Variants in TTC27 observed in about 807,000 individuals in gnomAD.
The protein encoded by TTC27 is tetratricopeptide repeat domain 27.
TTC27 carries 79 observed loss-of-function variants against 115.9 expected under a neutral mutation model. The observed-to-expected ratio is 0.68, with a 90% CI of 0.57 to 0.82. The LOEUF (loss-of-function observed/expected upper bound fraction) is 0.82, where lower values mean the gene tolerates loss of function less well. Among genes scored for constraint, TTC27 ranks in the 40% least tolerant of loss-of-function variants. The probability of loss-of-function intolerance (pLI) is 0.00; values close to 1 mark genes in which losing one functional copy is unlikely to be tolerated. For missense variants in TTC27, 1,054 were observed against 993.1 expected, an observed-to-expected ratio of 1.06 and a Z score of -0.82; for synonymous variants, 401 against 356.0, an observed-to-expected ratio of 1.13 and a Z score of -1.42.
At chr2:32,650,363 T>C (rs1253212829) in intron 5 of TTC27, 130 bp downstream of exon 5, 16 of 552,076 alleles carry the variant, frequency 2.9e-5, no homozygotes, top group African/African-American at 9.6e-5. Flanking sequence ...CTTTTTTTTT[T>C]TTTTTTTTTT....
chr2:32,678,998 A>G, intron 9 of TTC27, 76 bp downstream of exon 9: 2 of 1,324,846 alleles, frequency 1.5e-6, no homozygotes, highest in Non-Finnish European at 2.1e-6. Context: ...CTTGCCTTGG[A>G]TTGTTTATGT....
At chr2:32,706,077 C>CTT (rs148953090) in intron 10 of TTC27, among the ~76,000 whole-genome samples, 2,860 of 52,854 alleles carry the variant, frequency 0.054, 414 homozygotes, top group African/African-American at 0.088. Flanking sequence ...TTACCTTACT[C>CTT]TTTTTTTTTT....
intron 8 of TTC27, among the ~76,000 whole-genome samples, chr2:32,677,978 G>C (rs189034909): frequency 6.6e-6 from 1 of 152,086 alleles, no homozygotes; most frequent in Admixed American, 6.5e-5. Context: ...AATTATGTTG[G>C]CTGCACAGTG....
At chr2:32,665,096 C>T (rs1665722091) in intron 6 of TTC27, among the ~76,000 whole-genome samples, 1 of 152,106 alleles carries the variant, frequency 6.6e-6, no homozygotes, top group African/African-American at 2.4e-5. Context: ...ATCCGCCCGC[C>T]TTGGCCTCCC....
intron 13 of TTC27, among the ~76,000 whole-genome samples, chr2:32,758,816 G>C (rs550920700): frequency 3.4e-4 from 51 of 152,132 alleles, no homozygotes; most frequent in African/African-American, 1.1e-3. Flanking sequence ...ATTTTGAGCG[G>C]ATATGTTAGG....
chr2:32,741,334 A>G (rs1668628019), intron 12 of TTC27, among the ~76,000 whole-genome samples: 1 of 152,136 alleles, frequency 6.6e-6, no homozygotes, highest in Non-Finnish European at 1.5e-5. Flanking sequence ...TAAGCTGCTT[A>G]AGAACCAGAC....
At chr2:32,695,641 C>T (rs2151897171) in intron 9 of TTC27, among the ~76,000 whole-genome samples, 1 of 145,298 alleles carries the variant, frequency 6.9e-6, no homozygotes, top group Admixed American at 7.3e-5. Flanking sequence ...ATCACTTAAA[C>T]CCTGGAGGCG....
rs544887413 is a variant in TTC27 at position 32,748,777 on chromosome 2, T to A, written c.1453-9515T>A. Among the ~76,000 whole-genome samples the A allele has an allele frequency of 9.3e-5, 14 of 151,158 alleles. 1 individual carries two copies. The East Asian group carries it at 2.7e-3, about 29-fold the overall frequency. ...ATCTCGGCTCACTGCAGCCTCTGCC[T>A]CCCAGGTTTCAGTGATTCTCCTGCC... On this transcript the variant is annotated intron_variant, in intron 12 of 19. Transcript: ENST00000317907.
Position 32,820,861 on chromosome 2 carries a change from G to A in TTC27, c.2455G>A (p.Ala819Thr), listed in dbSNP as rs1420694333. 3.9e-6 allele frequency: 6 copies of A among 1,544,652 alleles called. No individual in the cohort carries two copies. The Admixed American group carries it at 9.8e-5, about 25-fold the overall frequency. The change falls in exon 20 of 20, where the codon GCT becomes ACT. Residue 819 changes from alanine (A) to threonine (T), a missense_variant. Transcript: ENST00000317907. ...AACTGGAGAAATGTCCAGGGAATTA[G>A]CTGATGACATAACAGCTATGGACAC... Reference protein sequence around the residue: ...VATGEMSRELADDITAMDTLV... With the variant: ...VATGEMSRELTDDITAMDTLV...
chr2:32,689,836 T>C (rs1014330378), intron 9 of TTC27, among the ~76,000 whole-genome samples: 8 of 152,154 alleles, frequency 5.3e-5, no homozygotes, highest in East Asian at 1.9e-4. Flanking sequence ...GCATAGGTAA[T>C]TGAAATAAAG....
At chr2:32,811,351 G>C (rs1671311386) in intron 17 of TTC27, 130 bp downstream of exon 17, 1 of 860,440 alleles carries the variant, frequency 1.2e-6, no homozygotes, top group Admixed American at 2.6e-5. Flanking sequence ...GTTCAGTTCT[G>C]ATTCAGTCTT....
intron 10 of TTC27, among the ~76,000 whole-genome samples, chr2:32,724,429 G>A (rs1668041774): frequency 6.6e-6 from 1 of 152,140 alleles, no homozygotes; most frequent in East Asian, 1.9e-4. Context: ...TCAAGGTGGG[G>A]CACCAGACTA....
At chr2:32,787,266 T>A in intron 16 of TTC27, 117 bp downstream of exon 16, 2 of 1,118,182 alleles carry the variant, frequency 1.8e-6, no homozygotes, top group Non-Finnish European at 1.3e-6. Flanking sequence ...ATGTAACATA[T>A]GAAAAGGGTA....
At chr2:32,778,804 T>G (rs184601662) in intron 14 of TTC27, among the ~76,000 whole-genome samples, 4 of 152,356 alleles carry the variant, frequency 2.6e-5, no homozygotes, top group Admixed American at 2.6e-4. Context: ...CTATAAACAT[T>G]TGTTTATAAG....
At chr2:32,757,010 G>T (rs1669257130) in intron 12 of TTC27, among the ~76,000 whole-genome samples, 1 of 152,194 alleles carries the variant, frequency 6.6e-6, no homozygotes. Context: ...GCAATGTATT[G>T]AGGATGATTT....
At chr2:32,638,314 T>C (rs929888181) in intron 3 of TTC27, among the ~76,000 whole-genome samples, 9 of 152,218 alleles carry the variant, frequency 5.9e-5, no homozygotes, top group African/African-American at 1.4e-4. Context: ...TATTACACTC[T>C]TGAATGATGA....
At chr2:32,640,794 C>T (rs1664616024) in intron 4 of TTC27, among the ~76,000 whole-genome samples, 1 of 152,084 alleles carries the variant, frequency 6.6e-6, no homozygotes. Flanking sequence ...ACCAGCCTGG[C>T]TAACATGGTG....
chr2:32,666,214 A>T (rs960795720), intron 6 of TTC27, among the ~76,000 whole-genome samples: 1 of 152,240 alleles, frequency 6.6e-6, no homozygotes, highest in African/African-American at 2.4e-5. Flanking sequence ...TATAGAACCA[A>T]AAGATCCTGG....
At chr2:32,629,195 C>A (rs1386322446) in intron 1 of TTC27, among the ~76,000 whole-genome samples, 1 of 151,934 alleles carries the variant, frequency 6.6e-6, no homozygotes, top group Non-Finnish European at 1.5e-5. Flanking sequence ...CATCTCGGCT[C>A]ACTGCAACCT....
Sources: allele counts gnomAD v4.1 joint callset (sites outside exome capture counted in the v4.1 genomes callset), GRCh38; gene constraint gnomAD v4.1.1; transcripts MANE v1.5; gene names NCBI Gene and HGNC (gene_info 2026-07-23, HGNC 2026-07-21).